TMPRSS7: variants seen among roughly 807,000 people sequenced by gnomAD.
TMPRSS7 encodes transmembrane serine protease 7, also known as transmembrane protease serine 7.
A neutral mutation model predicts 95.6 loss-of-function variants in TMPRSS7; 81 were observed. That is an observed-to-expected ratio of 0.85 (90% CI 0.71 to 1.02). TMPRSS7 has a LOEUF of 1.02. TMPRSS7 is among the 50% of genes least tolerant of loss of function. The pLI, the probability that TMPRSS7 is intolerant of heterozygous loss-of-function variation, is 0.00. For missense variants in TMPRSS7, 945 were observed against 955.2 expected, an observed-to-expected ratio of 0.99 and a Z score of 0.14; for synonymous variants, 364 against 337.8, an observed-to-expected ratio of 1.08 and a Z score of -0.85.
intron 4 of TMPRSS7, 70 bp downstream of exon 4, chr3:112,044,392 G>C (rs1051698458): frequency 1.5e-6 from 2 of 1,319,962 alleles, no homozygotes; most frequent in Admixed American, 2.0e-5. Context: ...CTATGAAAAG[G>C]CTGAGATTCC....
chr3:112,035,584 G>A (rs1456691004), intron 1 of TMPRSS7, among the ~76,000 whole-genome samples: 2 of 152,166 alleles, frequency 1.3e-5, no homozygotes, highest in Non-Finnish European at 2.9e-5. Context: ...AACTCTTAAG[G>A]ACAGTGCAAA....
intron 9 of TMPRSS7, among the ~76,000 whole-genome samples, chr3:112,055,784 T>A (rs1321124057): frequency 6.6e-6 from 1 of 152,178 alleles, no homozygotes; most frequent in Non-Finnish European, 1.5e-5. Context: ...CAAAAAGCAA[T>A]TTATAATGAT....
At position 112,066,523 on chromosome 3, in the gene TMPRSS7, C is replaced by T. The variant is rs533069048; in HGVS notation, c.1666+21C>T. ...TCAAAGTGAGGGAGAGTCCTCTGTG[C>T]CCTGCTGTTCCTCCTATGAAACTCT... is the stretch of plus-strand genomic sequence containing the variant. On this transcript the variant is annotated intron_variant, in intron 13 of 17. Transcript: ENST00000452346. The T allele has an allele frequency of 3.8e-6, 6 of 1,597,144 alleles. No homozygotes were observed. In the South Asian group the frequency reaches 4.4e-5, roughly 12 times the overall value.
At chr3:112,050,685 G>C in exon 9 of TMPRSS7, 2 of 1,601,904 alleles carry the variant, frequency 1.2e-6, no homozygotes, top group Non-Finnish European at 1.7e-6. Context: ...TGAAAACACA[G>C]TGTTGGTCAA....
intron 6 of TMPRSS7, chr3:112,047,274 G>A (rs749707453): frequency 8.2e-6 from 5 of 609,726 alleles, no homozygotes; most frequent in Non-Finnish European, 1.2e-5. Context: ...CTACTTCTAT[G>A]GAGCCTTCTT....
chr3:112,049,819 C>T (rs2073323574), intron 7 of TMPRSS7, 25 bp from the exon 8 acceptor site: 1 of 1,495,766 alleles, frequency 6.7e-7, no homozygotes, highest in Middle Eastern at 1.8e-4. Context: ...TATTCATGTA[C>T]TTTTGTTTTA....
intron 15 of TMPRSS7, 149 bp downstream of exon 15, chr3:112,075,641 CA>C (rs777445351): frequency 3.1e-5 from 20 of 636,108 alleles, no homozygotes; most frequent in Admixed American, 8.1e-5. Flanking sequence ...GTGTGACAAA[CA>C]TTTTTTTTTA....
chr3:112,038,354 G>C (rs1300325691), intron 2 of TMPRSS7, 33 bp downstream of exon 2: 2 of 693,772 alleles, frequency 2.9e-6, no homozygotes, highest in Non-Finnish European at 5.3e-6. Flanking sequence ...TTTGGGGTTA[G>C]GGCTTATGGT....
At chr3:112,059,989 A>G (rs941628343) in intron 10 of TMPRSS7, among the ~76,000 whole-genome samples, 13 of 152,142 alleles carry the variant, frequency 8.5e-5, no homozygotes, top group Admixed American at 5.2e-4. Context: ...TTCCCTAAGC[A>G]TCGGCTGGGT....
chr3:112,041,620 A>G (rs986688003), intron 2 of TMPRSS7, among the ~76,000 whole-genome samples: 4 of 152,202 alleles, frequency 2.6e-5, no homozygotes, highest in African/African-American at 9.7e-5. Flanking sequence ...AGAAATTATG[A>G]TAAAGCAGGG....
rs373055253 is a variant in TMPRSS7, at chr3:112,078,728, A to C, written c.2225-14A>C. 53 of 1,613,824 alleles carry C rather than the reference A, an allele frequency of 3.3e-5. No homozygotes were observed. Among genetic ancestry groups the C allele is most frequent in the Non-Finnish European group, 5.9e-6 (7 of 1,179,894 alleles). On this transcript the variant is annotated splice_polypyrimidine_tract_variant and intron_variant, in intron 16 of 17. Coordinates refer to ENST00000452346, the Ensembl canonical transcript of TMPRSS7. Reference sequence around the variant, plus strand: ...TACCACTAACATCATTTCTACTTCCAATGTGTTTTGCAGATAATAAAGGCT... The same window carrying C: ...TACCACTAACATCATTTCTACTTCCCATGTGTTTTGCAGATAATAAAGGCT...
intron 9 of TMPRSS7, among the ~76,000 whole-genome samples, chr3:112,056,463 A>G (rs1280011053): frequency 2.0e-5 from 3 of 152,106 alleles, no homozygotes; most frequent in Non-Finnish European, 2.9e-5. Context: ...TGAGTTGCAT[A>G]GTGTGTGTGT....
At chr3:112,062,680 G>A (rs374098848) in intron 11 of TMPRSS7, among the ~76,000 whole-genome samples, 17 of 152,272 alleles carry the variant, frequency 1.1e-4, no homozygotes, top group African/African-American at 3.6e-4. Flanking sequence ...TTCCAGCAGA[G>A]TCACAGGTAG....
intron 13 of TMPRSS7, 56 bp from the exon 14 acceptor site, chr3:112,074,240 T>G (rs1489761816): frequency 8.2e-6 from 10 of 1,221,414 alleles, no homozygotes; most frequent in Non-Finnish European, 1.2e-5. Flanking sequence ...CAAATCTCAT[T>G]CACTCAAGTT....
At position 112,058,226 on chromosome 3, in the gene TMPRSS7, A is replaced by G. The variant is rs78844836; in HGVS notation, c.1310+1095A>G. 8.5e-5 allele frequency among the ~76,000 whole-genome samples: 13 copies of G among 152,308 alleles called. No individual in the cohort carries two copies. The East Asian group carries it at 2.5e-3, about 29-fold the overall frequency. On this transcript the variant is annotated intron_variant, in intron 10 of 17. Coordinates refer to ENST00000452346, the Ensembl canonical transcript of TMPRSS7. ...ATTCCTTTAGACAGACTACTTGCAA[A>G]ATAACTGGTCCTGTCTTCATTGGAA...
At chr3:112,042,365 C>G (rs575373905) in intron 3 of TMPRSS7, among the ~76,000 whole-genome samples, 4 of 152,296 alleles carry the variant, frequency 2.6e-5, no homozygotes, top group African/African-American at 7.2e-5. Context: ...AAGTTAGATG[C>G]ATACCGATTA....
At chr3:112,051,668 C>CTATCATCT (rs61097993) in intron 9 of TMPRSS7, among the ~76,000 whole-genome samples, 96 of 128,068 alleles carry the variant, frequency 7.5e-4, no homozygotes, top group African/African-American at 2.2e-3. Context: ...ATCTATCTAT[C>CTATCATCT]ATCTATCTAT....
At chr3:112,050,636 G>A in intron 8 of TMPRSS7, 35 bp from the exon 9 acceptor site, 3 of 1,236,330 alleles carry the variant, frequency 2.4e-6, no homozygotes, top group South Asian at 3.0e-5. Context: ...TCTCACAGCT[G>A]CAAATCATTG....
intron 5 of TMPRSS7, 102 bp from the exon 6 acceptor site, chr3:112,046,872 G>T: frequency 1.5e-6 from 1 of 683,884 alleles, no homozygotes. Context: ...AGATGTGTTT[G>T]ATTGCCTTTA....
Sources: allele counts gnomAD v4.1 joint callset (sites outside exome capture counted in the v4.1 genomes callset), GRCh38; gene constraint gnomAD v4.1.1; transcripts MANE v1.5; gene names NCBI Gene and HGNC (gene_info 2026-07-23, HGNC 2026-07-21).